The following ADAMTS20 variants were observed in gnomAD, a reference collection of about 807,000 sequenced individuals.
ADAMTS20 encodes A disintegrin and metalloproteinase with thrombospondin motifs 20.
Under a neutral mutation model 260.1 loss-of-function variants are expected in ADAMTS20, and 225 were observed. The ratio of observed to expected loss-of-function variants is 0.87; its 90% CI spans 0.78 to 0.97. The LOEUF is 0.97. ADAMTS20 is among the 50% of genes least tolerant of loss of function. The pLI, the probability that ADAMTS20 is intolerant of heterozygous loss-of-function variation, is 0.00. For missense variants in ADAMTS20, 2,400 were observed against 2,337.7 expected (o/e 1.03, Z -0.55); for synonymous variants, 802 against 769.5 (o/e 1.04, Z -0.70).
At chr12:43,506,699 C>G (rs1271183187) in intron 3 of ADAMTS20, among the ~76,000 whole-genome samples, 1 of 151,116 alleles carries the variant, frequency 6.6e-6, no homozygotes, top group Admixed American at 6.6e-5. Context: ...AGGCTGGTCT[C>G]GATATCGTGA....
chr12:43,489,152 A>G (rs1414643757), intron 7 of ADAMTS20, among the ~76,000 whole-genome samples: 1 of 152,068 alleles, frequency 6.6e-6, no homozygotes, highest in African/African-American at 2.4e-5. Flanking sequence ...TTTAAATGTT[A>G]AAGGACAAAT....
At chr12:43,507,688 T>C (rs1942865945) in intron 3 of ADAMTS20, among the ~76,000 whole-genome samples, 1 of 152,222 alleles carries the variant, frequency 6.6e-6, no homozygotes, top group African/African-American at 2.4e-5. Context: ...CTAGAATAGA[T>C]GGTTTCTGTG....
Position 43,410,938 on chromosome 12 carries a change from T to C in ADAMTS20, c.4285-11705A>G, listed in dbSNP as rs113868399. Among the ~76,000 whole-genome samples the C allele has an allele frequency of 4.6e-3, 699 of 152,300 alleles. 4 individuals carry two copies. Among genetic ancestry groups the C allele is most frequent in the African/African-American group, 0.015 (619 of 41,560 alleles). On this transcript the variant is annotated intron_variant, in intron 28 of 38. Coordinates refer to ENST00000389420, the MANE Select transcript of ADAMTS20 (RefSeq NM_025003.5). ...ACAATTGAAGCTTTATGCACTTCAA[T>C]TGAAAATTGTCTTCAAAGAATTTAT...
At chr12:43,426,152 T>C (rs1209891413) in intron 27 of ADAMTS20, among the ~76,000 whole-genome samples, 2 of 152,152 alleles carry the variant, frequency 1.3e-5, no homozygotes, top group Non-Finnish European at 2.9e-5. Flanking sequence ...GTTCAGTATA[T>C]ATAATATAAA....
At position 43,377,563 on chromosome 12, in the gene ADAMTS20, C is replaced by T; in HGVS notation, c.4798-1G>A. On this transcript the variant is annotated splice_acceptor_variant, in intron 31 of 38. Transcript: ENST00000389420. LOFTEE classifies it high-confidence loss of function. The stretch of plus-strand genomic sequence containing the variant: ...AACTAAATCCACAGTTGTTTGCACA[C>T]TGAAAAATACATAATTACAAGAAAG... 6.3e-7 allele frequency: 1 copy of T among 1,598,354 alleles called. No individual in the cohort carries two copies. The highest frequency in any genetic ancestry group is 8.5e-7 in the Non-Finnish European group (1 of 1,170,734).
chr12:43,402,843 T>C (rs1002597474), intron 28 of ADAMTS20, among the ~76,000 whole-genome samples: 5 of 151,960 alleles, frequency 3.3e-5, no homozygotes, highest in African/African-American at 9.7e-5. Context: ...CCTAGTTCCC[T>C]TAATTGACAT....
At position 43,431,373 on chromosome 12, in the gene ADAMTS20, G is replaced by A. The variant is rs766608080; in HGVS notation, c.3220C>T (p.Leu1074Phe). ...TKPESLSPCE[L>F]HTCASWQVGP... is the part of the protein sequence containing the mutation. ...ACTTGCCAGGAAGCACATGTATGAA[G>A]TTCACATGGACTCAGAGATTCAGGT... Residue 1074 changes from leucine to phenylalanine, a missense_variant, in exon 22 of 39, where the codon CTT (leucine) becomes TTT (phenylalanine). Leu to Phe is a conservative substitution (Grantham distance 22). Coordinates refer to ENST00000389420, the MANE Select transcript of ADAMTS20 (RefSeq NM_025003.5). The A allele has an allele frequency of 6.2e-7, 1 of 1,613,938 alleles. No homozygotes were observed. The highest frequency in any genetic ancestry group is 8.5e-7 in the Non-Finnish European group (1 of 1,179,852).
At chr12:43,431,063 T>A (rs996220403) in intron 22 of ADAMTS20, among the ~76,000 whole-genome samples, 1 of 152,168 alleles carries the variant, frequency 6.6e-6, no homozygotes, top group African/African-American at 2.4e-5. Flanking sequence ...ATATTTATAA[T>A]CTAAATAAAG....
chr12:43,508,725 C>T (rs142145238), intron 3 of ADAMTS20, among the ~76,000 whole-genome samples: 1 of 152,116 alleles, frequency 6.6e-6, no homozygotes, highest in Non-Finnish European at 1.5e-5. Flanking sequence ...GGGTATAAAT[C>T]ATCTCAAGCA....
At chr12:43,432,558 A>G in intron 20 of ADAMTS20, 43 bp downstream of exon 20, 2 of 1,599,982 alleles carry the variant, frequency 1.3e-6, no homozygotes, top group South Asian at 1.1e-5. Flanking sequence ...ACGTAATTAG[A>G]AAGAAAGGGG....
chr12:43,488,345 T>C (rs992998947), intron 7 of ADAMTS20, among the ~76,000 whole-genome samples: 6 of 152,102 alleles, frequency 3.9e-5, no homozygotes, highest in African/African-American at 1.2e-4. Context: ...TTTTAAGAAG[T>C]CTCCATAATC....
chr12:43,409,597 GTC>G (rs1302874096), intron 28 of ADAMTS20, among the ~76,000 whole-genome samples: 1 of 34,750 alleles, frequency 2.9e-5, no homozygotes, highest in African/African-American at 4.0e-4. Flanking sequence ...GCGAGACTCC[GTC>G]TCAAAAAAAA....
rs760635880 is a variant in ADAMTS20, at chr12:43,399,322, A to C, written c.4285-89T>G. On this transcript the variant is annotated intron_variant, in intron 28 of 38. Coordinates refer to ENST00000389420, the MANE Select transcript of ADAMTS20 (RefSeq NM_025003.5). Reference sequence around the variant, plus strand: ...AGAAGTACAAAATGTAACAATCCACACATAATTCCTTTGATATTTTTATGA... The same window carrying C: ...AGAAGTACAAAATGTAACAATCCACCCATAATTCCTTTGATATTTTTATGA... 6 of 1,102,218 alleles carry C rather than the reference A, an allele frequency of 5.4e-6. No individual in the cohort carries two copies. In the East Asian group the frequency reaches 9.2e-5, roughly 17 times the overall value. The allele number at this position is 1,102,218 out of a possible 1,614,324, so 68.3% of individuals were successfully genotyped here.
At chr12:43,460,433 A>G (rs920779710) in intron 11 of ADAMTS20, among the ~76,000 whole-genome samples, 1 of 152,202 alleles carries the variant, frequency 6.6e-6, no homozygotes, top group Non-Finnish European at 1.5e-5. Flanking sequence ...TTTAAAGACT[A>G]ACAGTATCAA....
chr12:43,457,325 A>G (rs1941982059), intron 11 of ADAMTS20, among the ~76,000 whole-genome samples: 1 of 152,044 alleles, frequency 6.6e-6, no homozygotes, highest in African/African-American at 2.4e-5. Flanking sequence ...TTCTGTTAAC[A>G]GTCACTTCTA....
rs139970637 is a variant in ADAMTS20 at position 43,356,800 on chromosome 12, C to T, written c.5539-212G>A. Among the ~76,000 whole-genome samples, 712 of 152,270 alleles carry T rather than the reference C, an allele frequency of 4.7e-3. 4 individuals carry two copies. The highest frequency in any genetic ancestry group is 7.3e-3 in the Non-Finnish European group (495 of 68,016). ...CAAGTTCTGACAGAAATAGTGTTCACGGGGACCAACATTTGCTGCACTTTA... is the reference window on the plus strand; with the variant it reads ...CAAGTTCTGACAGAAATAGTGTTCATGGGGACCAACATTTGCTGCACTTTA... On this transcript the variant is annotated intron_variant, in intron 37 of 38. Coordinates refer to ENST00000389420, the MANE Select transcript of ADAMTS20 (RefSeq NM_025003.5).
At chr12:43,470,806 C>CTTAGTTTGT (rs1162361192) in intron 7 of ADAMTS20, among the ~76,000 whole-genome samples, 2 of 152,118 alleles carry the variant, frequency 1.3e-5, no homozygotes, top group Non-Finnish European at 2.9e-5. Context: ...AAGAACTCTC[C>CTTAGTTTGT]TTAGTTTGTT....
At chr12:43,492,283 G>A (rs1942611543) in intron 6 of ADAMTS20, among the ~76,000 whole-genome samples, 1 of 152,006 alleles carries the variant, frequency 6.6e-6, no homozygotes, top group African/African-American at 2.4e-5. Context: ...GGGAGGCTGA[G>A]GCAGGAGAAT....
chr12:43,447,341 T>G (rs1038775128), intron 14 of ADAMTS20, among the ~76,000 whole-genome samples: 2 of 152,128 alleles, frequency 1.3e-5, no homozygotes, highest in Non-Finnish European at 2.9e-5. Flanking sequence ...GTTCAACATA[T>G]GCAAATCAAC....
Sources: gnomAD v4.1 joint callset for allele counts (sites outside exome capture counted in the v4.1 genomes callset) on GRCh38, gnomAD v4.1.1 for gene constraint, MANE v1.5 for transcripts, NCBI Gene and HGNC (gene_info 2026-07-23, HGNC 2026-07-21) for gene names.